The following BST1 variants were observed in gnomAD, a reference collection of about 807,000 sequenced individuals.
The protein encoded by BST1 is ADP-ribosyl cyclase/cyclic ADP-ribose hydrolase 2.
Under a neutral mutation model 40.6 loss-of-function variants are expected in BST1, and 49 were observed. That is an observed-to-expected ratio of 1.21 (90% CI 0.96 to 1.53). BST1 has a LOEUF of 1.53. Among genes scored for constraint, BST1 ranks in the 40% most tolerant of loss-of-function variants. The pLI, the probability that BST1 is intolerant of heterozygous loss-of-function variation, is 0.00. For synonymous variants in BST1, 157 were observed against 159.3 expected (o/e 0.99, Z 0.11); for missense variants, 423 against 395.9 (o/e 1.07, Z -0.58).
chr4:15,745,387 A>G, the BST1 span, among the ~76,000 whole-genome samples: 1 of 152,206 alleles, frequency 6.6e-6, no homozygotes, highest in Admixed American at 6.5e-5. Flanking sequence ...AGGAAAATGT[A>G]TTGTTTCAGT....
intron 3 of BST1, among the ~76,000 whole-genome samples, chr4:15,707,913 A>T (rs1158958944): frequency 6.6e-6 from 1 of 150,564 alleles, no homozygotes; most frequent in Non-Finnish European, 1.5e-5. Context: ...ATCTATACAT[A>T]TCTATATCTA....
At chr4:15,725,977 C>A (rs772667548) in intron 8 of BST1, among the ~76,000 whole-genome samples, 3 of 76,968 alleles carry the variant, frequency 3.9e-5, no homozygotes, top group Non-Finnish European at 6.4e-5. Flanking sequence ...TTTTTTGAGA[C>A]GAGGTCTCTC....
chr4:15,741,859 G>T (rs1417300518), downstream of BST1, among the ~76,000 whole-genome samples: 2 of 152,156 alleles, frequency 1.3e-5, no homozygotes, highest in African/African-American at 4.8e-5. Flanking sequence ...AATGTTCATT[G>T]GCTTATGGCC....
chr4:15,747,556 C>A, the BST1 span, among the ~76,000 whole-genome samples: 1 of 152,196 alleles, frequency 6.6e-6, no homozygotes, highest in Non-Finnish European at 1.5e-5. Context: ...TCTTCTTGGA[C>A]TCTCTTGGAA....
intron 1 of BST1, among the ~76,000 whole-genome samples, chr4:15,705,274 TG>T (rs1363107589): frequency 1.3e-5 from 2 of 151,938 alleles, no homozygotes; most frequent in East Asian, 3.9e-4. Flanking sequence ...TCCGTGAGCC[TG>T]GGGCAAGGCT....
At chr4:15,759,743 G>A in the BST1 span, among the ~76,000 whole-genome samples, 1 of 151,770 alleles carries the variant, frequency 6.6e-6, no homozygotes, top group Non-Finnish European at 1.5e-5. Context: ...CTACTATTTA[G>A]TTGGATATTA....
At chr4:15,754,505 A>T in the BST1 span, among the ~76,000 whole-genome samples, 1 of 152,208 alleles carries the variant, frequency 6.6e-6, no homozygotes, top group African/African-American at 2.4e-5. Flanking sequence ...TGGTAGCAGA[A>T]GCATGAATGC....
the BST1 span, among the ~76,000 whole-genome samples, chr4:15,773,649 A>G: frequency 6.6e-6 from 1 of 152,252 alleles, no homozygotes; most frequent in African/African-American, 2.4e-5. Flanking sequence ...AAAAAAATCC[A>G]ATAAGTTGTG....
intron 8 of BST1, among the ~76,000 whole-genome samples, chr4:15,729,397 C>T (rs985809093): frequency 4.6e-5 from 7 of 152,140 alleles, no homozygotes; most frequent in Admixed American, 2.6e-4. Flanking sequence ...GTCAATGCTT[C>T]AACGAGCTGT....
At chr4:15,724,740 ACTGGTGAG>A (rs1359512176) in intron 8 of BST1, among the ~76,000 whole-genome samples, 4 of 152,142 alleles carry the variant, frequency 2.6e-5, no homozygotes, top group Non-Finnish European at 5.9e-5. Flanking sequence ...GAGCACATGC[ACTGGTGAG>A]CTGGCTTGTC....
chr4:15,752,525 A>AT, the BST1 span, among the ~76,000 whole-genome samples: 3 of 151,710 alleles, frequency 2.0e-5, no homozygotes, highest in Non-Finnish European at 4.4e-5. Context: ...AGTAGCTGGG[A>AT]TTACAGGTAT....
downstream of BST1, among the ~76,000 whole-genome samples, chr4:15,734,816 C>G (rs1721498873): frequency 6.6e-6 from 1 of 152,218 alleles, no homozygotes; most frequent in African/African-American, 2.4e-5. Flanking sequence ...CATCACTTCT[C>G]TGGGACAGCT....
At chr4:15,733,136 C>T (rs150668922), downstream of BST1, among the ~76,000 whole-genome samples, 7 of 152,312 alleles carry the variant, frequency 4.6e-5, 1 homozygote, top group East Asian at 9.7e-4. Context: ...GGCTCGGTGG[C>T]CAGCTTTTAT....
chr4:15,744,318 G>A, the BST1 span, among the ~76,000 whole-genome samples: 5 of 152,124 alleles, frequency 3.3e-5, no homozygotes, highest in African/African-American at 9.7e-5. Context: ...TGGTTGGGGA[G>A]GCCTCAGGAA....
the BST1 span, among the ~76,000 whole-genome samples, chr4:15,762,743 A>T: frequency 6.6e-6 from 1 of 151,914 alleles, no homozygotes; most frequent in Admixed American, 6.5e-5. Flanking sequence ...TCAGCATTCT[A>T]CTCTCTGCTA....
chr4:15,743,636 G>T, the BST1 span: 1 of 297,636 alleles, frequency 3.4e-6, no homozygotes, highest in African/African-American at 2.2e-5. Context: ...TCTGGCAAGG[G>T]CAGAGTGGTC....
At chr4:15,720,469 T>A (rs1326172187) in intron 7 of BST1, among the ~76,000 whole-genome samples, 1 of 151,720 alleles carries the variant, frequency 6.6e-6, no homozygotes, top group Non-Finnish European at 1.5e-5. Context: ...ATACAAAAAT[T>A]AGCCGCGTGT....
At chr4:15,711,494 T>C (rs1019892808) in intron 3 of BST1, among the ~76,000 whole-genome samples, 1 of 152,234 alleles carries the variant, frequency 6.6e-6, no homozygotes, top group African/African-American at 2.4e-5. Context: ...TTAAACATTG[T>C]TGAGAAATAA....
intron 2 of BST1, among the ~76,000 whole-genome samples, chr4:15,706,829 G>T (rs567619310): frequency 6.6e-6 from 1 of 152,070 alleles, no homozygotes; most frequent in African/African-American, 2.4e-5. Context: ...AAATACTTCC[G>T]GGGCTATTTG....
Sources: gnomAD v4.1 joint callset for allele counts (sites outside exome capture counted in the v4.1 genomes callset) on GRCh38, gnomAD v4.1.1 for gene constraint, MANE v1.5 for transcripts, NCBI Gene and HGNC (gene_info 2026-07-23, HGNC 2026-07-21) for gene names.